The following ZDHHC20 variants were observed in gnomAD, a reference collection of about 807,000 sequenced individuals.
ZDHHC20 encodes zDHHC palmitoyltransferase 20.
Under a neutral mutation model 57.8 loss-of-function variants are expected in ZDHHC20, and 43 were observed. That is an observed-to-expected ratio of 0.74 (90% CI 0.58 to 0.96). The LOEUF is 0.96. Ranked by LOEUF, ZDHHC20 falls within the 40% of genes least tolerant of loss-of-function variation. ZDHHC20 has a pLI of 0.00. For synonymous variants in ZDHHC20, 157 were observed against 153.0 expected, an observed-to-expected ratio of 1.03 and a Z score of -0.19; for missense variants, 391 against 441.1, an observed-to-expected ratio of 0.89 and a Z score of 1.02.
intron 1 of ZDHHC20, among the ~76,000 whole-genome samples, chr13:21,435,773 CAG>C (rs1239591544): frequency 6.6e-6 from 1 of 152,170 alleles, no homozygotes; most frequent in Non-Finnish European, 1.5e-5. Context: ...TAATAACAAA[CAG>C]ATTATTCACA....
intron 5 of ZDHHC20, 77 bp from the exon 6 acceptor site, chr13:21,401,762 T>C: frequency 7.4e-7 from 1 of 1,356,846 alleles, no homozygotes; most frequent in Non-Finnish European, 9.8e-7. Context: ...TTTCTTTTAT[T>C]TGACTTAAAA....
At chr13:21,437,990 G>A (rs373319211) in intron 1 of ZDHHC20, among the ~76,000 whole-genome samples, 6 of 152,206 alleles carry the variant, frequency 3.9e-5, no homozygotes, top group African/African-American at 4.8e-5. Flanking sequence ...CGCACCCAGC[G>A]GCTTTATTGA....
At position 21,459,217 on chromosome 13, in the gene ZDHHC20, G is replaced by T; in HGVS notation, c.-46C>A. ...GCCCCGCGTCCCACCGTTCTGGGGAGCGCGGGAGCCCCGGCGACGGTGACT... is the reference window on the plus strand; with the variant it reads ...GCCCCGCGTCCCACCGTTCTGGGGATCGCGGGAGCCCCGGCGACGGTGACT... On this transcript the variant is annotated 5_prime_UTR_variant, in exon 1 of 13. Coordinates refer to ENST00000400590, the MANE Select transcript of ZDHHC20 (RefSeq NM_001330059.2). 6.7e-7 allele frequency: 1 copy of T among 1,482,958 alleles called. No homozygotes were observed. The highest frequency in any genetic ancestry group is 9.1e-7 in the Non-Finnish European group (1 of 1,096,830). The allele number at this position is 1,482,958 out of a possible 1,614,324, so 91.9% of individuals were successfully genotyped here. A position where few individuals can be genotyped will look rare whatever the true frequency, so the allele number is the denominator to read the frequency against.
rs146258531 is a variant in ZDHHC20 at position 21,445,124 on chromosome 13, G to A, written c.118+13930C>T. ...TTTATATATTTATATATATATATGG[G>A]AGAGGTTTTGTCTTATTTGCATTAC... On this transcript the variant is annotated intron_variant, in intron 1 of 12. Coordinates refer to ENST00000400590, the MANE Select transcript of ZDHHC20 (RefSeq NM_001330059.2). 6.4e-3 allele frequency among the ~76,000 whole-genome samples: 977 copies of A among 152,058 alleles called. 10 individuals are homozygous for A. Among genetic ancestry groups the A allele is most frequent in the African/African-American group, 0.022 (931 of 41,486 alleles).
At chr13:21,444,238 A>C (rs536417415) in intron 1 of ZDHHC20, among the ~76,000 whole-genome samples, 9 of 152,324 alleles carry the variant, frequency 5.9e-5, no homozygotes, top group South Asian at 2.1e-4. Flanking sequence ...TTAAGGCTTT[A>C]GGCTCTAAAC....
At chr13:21,390,597 A>G (rs115068798) in intron 8 of ZDHHC20, among the ~76,000 whole-genome samples, 1,977 of 152,270 alleles carry the variant, frequency 0.013, 41 homozygotes, top group African/African-American at 0.044. Flanking sequence ...CTGTGGGGGA[A>G]AAAAGTAAAG....
chr13:21,397,027 A>G (rs1432138741), intron 7 of ZDHHC20, among the ~76,000 whole-genome samples: 2 of 152,176 alleles, frequency 1.3e-5, no homozygotes, highest in Admixed American at 6.5e-5. Context: ...CCTTTTTATA[A>G]AAAGTTCTTT....
At chr13:21,409,228 C>T (rs1279970912) in intron 4 of ZDHHC20, among the ~76,000 whole-genome samples, 2 of 152,104 alleles carry the variant, frequency 1.3e-5, no homozygotes, top group African/African-American at 4.8e-5. Flanking sequence ...GCTGTGAATC[C>T]GTCTGGTCCT....
At chr13:21,428,901 CA>C (rs1299087426) in intron 1 of ZDHHC20, among the ~76,000 whole-genome samples, 1 of 151,882 alleles carries the variant, frequency 6.6e-6, no homozygotes, top group African/African-American at 2.4e-5. Flanking sequence ...AAAACAACAA[CA>C]AAAAAACCCA....
intron 1 of ZDHHC20, among the ~76,000 whole-genome samples, chr13:21,454,813 T>A (rs547345943): frequency 6.6e-6 from 1 of 152,238 alleles, no homozygotes; most frequent in South Asian, 2.1e-4. Context: ...AAATATTTAA[T>A]ACAGACTCAA....
intron 9 of ZDHHC20, among the ~76,000 whole-genome samples, chr13:21,386,261 T>A (rs1399592154): frequency 6.6e-6 from 1 of 152,192 alleles, no homozygotes; most frequent in Non-Finnish European, 1.5e-5. Context: ...ACATGTGTAA[T>A]TGGAGTCCTC....
At chr13:21,387,284 T>C (rs1217823291) in intron 9 of ZDHHC20, among the ~76,000 whole-genome samples, 1 of 152,148 alleles carries the variant, frequency 6.6e-6, no homozygotes, top group Non-Finnish European at 1.5e-5. Context: ...AATCATCTTT[T>C]TCTTCTACTT....
At chr13:21,444,745 T>C (rs1883511351) in intron 1 of ZDHHC20, among the ~76,000 whole-genome samples, 3 of 152,144 alleles carry the variant, frequency 2.0e-5, no homozygotes, top group Non-Finnish European at 4.4e-5. Flanking sequence ...GGTACTGTTA[T>C]ACCAAATGTC....
intron 9 of ZDHHC20, among the ~76,000 whole-genome samples, chr13:21,386,406 T>C (rs1874492631): frequency 6.6e-6 from 1 of 152,128 alleles, no homozygotes; most frequent in South Asian, 2.1e-4. Flanking sequence ...GATCAAGATA[T>C]ACCATAATCA....
At chr13:21,438,532 G>C (rs925804504) in intron 1 of ZDHHC20, among the ~76,000 whole-genome samples, 1 of 152,234 alleles carries the variant, frequency 6.6e-6, no homozygotes, top group African/African-American at 2.4e-5. Flanking sequence ...GATAAAACTT[G>C]AACAGACGAG....
chr13:21,404,460 A>T (rs1350366293), intron 4 of ZDHHC20: 5 of 437,498 alleles, frequency 1.1e-5, no homozygotes, highest in Non-Finnish European at 2.3e-5. Flanking sequence ...GAAAAAAAGG[A>T]ATTCAGGGCT....
At chr13:21,437,532 G>C (rs1026300659) in intron 1 of ZDHHC20, among the ~76,000 whole-genome samples, 1 of 152,162 alleles carries the variant, frequency 6.6e-6, no homozygotes, top group Non-Finnish European at 1.5e-5. Context: ...CTCTTCTCAG[G>C]AGCCAATGTA....
At chr13:21,424,173 T>C (rs1254640144) in intron 2 of ZDHHC20, among the ~76,000 whole-genome samples, 1 of 152,116 alleles carries the variant, frequency 6.6e-6, no homozygotes, top group African/African-American at 2.4e-5. Context: ...CAGAAAACAA[T>C]GCTTTTCACT....
chr13:21,418,639 C>A (rs1040607927), intron 3 of ZDHHC20, among the ~76,000 whole-genome samples: 3 of 152,076 alleles, frequency 2.0e-5, no homozygotes, highest in Non-Finnish European at 4.4e-5. Context: ...TGAGCTAAAC[C>A]TGAGCAGTTT....
Sources: allele counts gnomAD v4.1 joint callset (sites outside exome capture counted in the v4.1 genomes callset), GRCh38; gene constraint gnomAD v4.1.1; transcripts MANE v1.5; gene names NCBI Gene and HGNC (gene_info 2026-07-23, HGNC 2026-07-21).